SPECC1L: variants seen among roughly 807,000 people sequenced by gnomAD.
The protein encoded by SPECC1L is cytospin-A.
Under a neutral mutation model 116.8 loss-of-function variants are expected in SPECC1L, and 40 were observed. The ratio of observed to expected loss-of-function variants is 0.34; its 90% CI spans 0.27 to 0.45. The LOEUF is 0.45. Among genes scored for constraint, SPECC1L ranks in the 20% least tolerant of loss-of-function variants. The pLI is 1.00. For synonymous variants in SPECC1L, 504 were observed against 500.6 expected (o/e 1.01, Z -0.09); for missense variants, 1,110 against 1,373.6 (o/e 0.81, Z 3.03).
chr22:24,306,932 C>G lies in SPECC1L; in HGVS notation c.153+4548C>G, dbSNP rs62233097. Among the ~76,000 whole-genome samples the G allele has an allele frequency of 7.8e-3, 1,181 of 152,312 alleles. 8 individuals are homozygous for G. Among genetic ancestry groups the G allele is most frequent in the South Asian group, 0.024 (116 of 4,834 alleles). On this transcript the variant is annotated intron_variant, in intron 3 of 16. Transcript: ENST00000314328. ...CTTGTTTTGTGTCTGGCTTATTTAA[C>G]TTAGCATCATGTCCTCAAGGTTCAT...
intron 2 of SPECC1L, among the ~76,000 whole-genome samples, chr22:24,293,021 A>C (rs1197727983): frequency 1.3e-5 from 2 of 152,226 alleles, no homozygotes; most frequent in African/African-American, 4.8e-5. Context: ...TAATGCCAGC[A>C]ACTTGGGAGG....
intron 1 of SPECC1L, among the ~76,000 whole-genome samples, chr22:24,276,343 G>T (rs1325639388): frequency 6.6e-6 from 1 of 152,128 alleles, no homozygotes; most frequent in Non-Finnish European, 1.5e-5. Flanking sequence ...GAGGCAGGGG[G>T]ATCTCCTGAG....
chr22:24,288,644 T>TTTTTTTTTTG (rs2049097699), intron 2 of SPECC1L, among the ~76,000 whole-genome samples: 36 of 125,360 alleles, frequency 2.9e-4, no homozygotes, highest in African/African-American at 1.1e-3. Flanking sequence ...TTTTTTTTTT[T>TTTTTTTTTTG]GGACATATCC....
At chr22:24,279,018 T>C (rs1419522001) in intron 2 of SPECC1L, among the ~76,000 whole-genome samples, 8 of 152,214 alleles carry the variant, frequency 5.3e-5, no homozygotes, top group Non-Finnish European at 1.2e-4. Context: ...ATGAGGGAGG[T>C]ATATGTATAT....
chr22:24,371,818 C>T (rs970273478), intron 14 of SPECC1L, among the ~76,000 whole-genome samples: 1 of 152,152 alleles, frequency 6.6e-6, no homozygotes, highest in Non-Finnish European at 1.5e-5. Flanking sequence ...GGCTCCCGGG[C>T]TCAAGTGATT....
intron 4 of SPECC1L, among the ~76,000 whole-genome samples, chr22:24,319,123 C>T (rs1037314612): frequency 1.3e-5 from 2 of 152,142 alleles, no homozygotes; most frequent in Admixed American, 6.5e-5. Flanking sequence ...TGCTTTCTTC[C>T]TTATGTATTC....
At chr22:24,387,799 C>T (rs892285892) in intron 14 of SPECC1L, among the ~76,000 whole-genome samples, 1 of 152,178 alleles carries the variant, frequency 6.6e-6, no homozygotes, top group Non-Finnish European at 1.5e-5. Context: ...GGTTAGAAGT[C>T]CAACATGGCT....
intron 1 of SPECC1L, among the ~76,000 whole-genome samples, chr22:24,273,836 G>T (rs779825605): frequency 1.6e-4 from 24 of 152,296 alleles, no homozygotes; most frequent in Middle Eastern, 3.4e-3. Flanking sequence ...TCCGCTCACC[G>T]CAACCTACGC....
At chr22:24,312,949 C>T (rs888887481) in intron 3 of SPECC1L, among the ~76,000 whole-genome samples, 5 of 152,172 alleles carry the variant, frequency 3.3e-5, no homozygotes, top group African/African-American at 7.2e-5. Context: ...ATTTGACTCT[C>T]AAGGATATTT....
chr22:24,406,693 C>T (rs997681154), intron 14 of SPECC1L, among the ~76,000 whole-genome samples: 6 of 152,102 alleles, frequency 3.9e-5, no homozygotes, highest in South Asian at 2.1e-4. Flanking sequence ...TGATTCCATG[C>T]GATTTTGTGT....
intron 11 of SPECC1L, among the ~76,000 whole-genome samples, chr22:24,348,564 C>T (rs1359057225): frequency 1.3e-5 from 2 of 152,178 alleles, no homozygotes; most frequent in East Asian, 3.8e-4. Flanking sequence ...TCAGTCATCA[C>T]CTAAGCTCTT....
intron 14 of SPECC1L, among the ~76,000 whole-genome samples, chr22:24,405,179 C>T (rs965863667): frequency 5.3e-5 from 8 of 152,268 alleles, no homozygotes; most frequent in East Asian, 1.9e-4. Flanking sequence ...TGCTTCCTAC[C>T]GTTGTGTTTT....
At chr22:24,402,872 G>A (rs1052847853) in intron 14 of SPECC1L, among the ~76,000 whole-genome samples, 6 of 152,188 alleles carry the variant, frequency 3.9e-5, no homozygotes, top group African/African-American at 1.4e-4. Flanking sequence ...AACATTTAGA[G>A]ATCTTTTATG....
intron 4 of SPECC1L, among the ~76,000 whole-genome samples, chr22:24,319,953 G>GGTGCGGTGGCTCACGCCTATAA (rs2040687447): frequency 6.6e-6 from 1 of 152,208 alleles, no homozygotes; most frequent in African/African-American, 2.4e-5. Flanking sequence ...TTCCTGGCCA[G>GGTGCGGTGGCTCACGCCTATAA]GTGCGGTGGC....
chr22:24,325,103 T>C (rs1461976739), intron 6 of SPECC1L, among the ~76,000 whole-genome samples: 1 of 152,180 alleles, frequency 6.6e-6, no homozygotes, highest in East Asian at 1.9e-4. Flanking sequence ...ATCTCTAGAA[T>C]AAAAATAACA....
At chr22:24,338,076 G>GGAGTA in intron 9 of SPECC1L, among the ~76,000 whole-genome samples, 1 of 152,160 alleles carries the variant, frequency 6.6e-6, no homozygotes, top group Non-Finnish European at 1.5e-5. Flanking sequence ...TTTACTACTT[G>GGAGTA]AATTTCATTG....
intron 11 of SPECC1L, among the ~76,000 whole-genome samples, chr22:24,354,289 T>C (rs762996560): frequency 1.6e-4 from 24 of 152,342 alleles, no homozygotes; most frequent in Middle Eastern, 3.4e-3. Flanking sequence ...TTTCTCTCAC[T>C]GATTTCAGCA....
intron 5 of SPECC1L, 191 bp downstream of exon 5, chr22:24,323,109 CT>C: frequency 1.0e-6 from 1 of 982,378 alleles, no homozygotes; most frequent in Non-Finnish European, 1.2e-6. Flanking sequence ...GATAATGTCA[CT>C]TTCTCTCACT....
At chr22:24,295,384 G>T (rs1467699470) in intron 2 of SPECC1L, among the ~76,000 whole-genome samples, 1 of 149,204 alleles carries the variant, frequency 6.7e-6, no homozygotes, top group African/African-American at 2.5e-5. Flanking sequence ...GACTCAAGGG[G>T]TACACGCACA....
Sources: allele counts gnomAD v4.1 joint callset (sites outside exome capture counted in the v4.1 genomes callset), GRCh38; gene constraint gnomAD v4.1.1; transcripts MANE v1.5; gene names NCBI Gene and HGNC (gene_info 2026-07-23, HGNC 2026-07-21).